The following GPHN variants were observed in gnomAD, a reference collection of about 807,000 sequenced individuals.
GPHN encodes the protein gephyrin.
In GPHN, 17 loss-of-function variants were observed where a neutral mutation model predicts 95.5. The ratio of observed to expected loss-of-function variants is 0.18; its 90% CI spans 0.12 to 0.27. GPHN has a LOEUF of 0.27. Ranked by LOEUF, GPHN falls within the 10% of genes least tolerant of loss-of-function variation. GPHN has a pLI of 1.00. For synonymous variants in GPHN, 320 were observed against 322.5 expected (o/e 0.99, Z 0.08); for missense variants, 660 against 978.1 (o/e 0.67, Z 4.34).
intron 1 of GPHN, among the ~76,000 whole-genome samples, chr14:66,538,633 C>T (rs1331952094): frequency 6.6e-6 from 1 of 151,788 alleles, no homozygotes; most frequent in Non-Finnish European, 1.5e-5. Flanking sequence ...TTGATTATCT[C>T]CATCCTTTTA....
At chr14:67,611,428 G>GTT in the GPHN span, among the ~76,000 whole-genome samples, 1 of 138,820 alleles carries the variant, frequency 7.2e-6, no homozygotes, top group Non-Finnish European at 1.5e-5. Context: ...TAATTTTTTG[G>GTT]TTTTTTTTTT....
intron 2 of GPHN, among the ~76,000 whole-genome samples, chr14:66,693,749 C>A (rs1347064607): frequency 6.6e-6 from 1 of 152,098 alleles, no homozygotes; most frequent in Admixed American, 6.5e-5. Flanking sequence ...TTTATCAGTA[C>A]TCTGTATAAT....
chr14:67,402,480 T>C, the GPHN span, among the ~76,000 whole-genome samples: 2 of 152,246 alleles, frequency 1.3e-5, no homozygotes. Flanking sequence ...TATTATTGAC[T>C]ATAGTCACCC....
intron 2 of GPHN, among the ~76,000 whole-genome samples, chr14:66,718,375 G>A (rs184633084): frequency 3.3e-5 from 5 of 152,166 alleles, no homozygotes; most frequent in African/African-American, 4.8e-5. Flanking sequence ...CGATGGGTTC[G>A]TGGTCTCGCT....
the GPHN span, chr14:67,541,766 T>A: frequency 8.9e-7 from 1 of 1,123,282 alleles, no homozygotes; most frequent in East Asian, 2.8e-5. Flanking sequence ...CCCCTCCCGT[T>A]CTTTCCCCAC....
the GPHN span, among the ~76,000 whole-genome samples, chr14:67,557,102 C>G: frequency 1.3e-5 from 2 of 152,188 alleles, no homozygotes; most frequent in African/African-American, 2.4e-5. Flanking sequence ...CCTTCTTTTG[C>G]TCAGATTGGA....
At chr14:66,966,411 A>G (rs2069330494) in intron 9 of GPHN, among the ~76,000 whole-genome samples, 1 of 152,062 alleles carries the variant, frequency 6.6e-6, no homozygotes, top group African/African-American at 2.4e-5. Flanking sequence ...AACTGATATT[A>G]ATTTTATCAT....
chr14:67,569,164 A>T, the GPHN span: 1 of 1,613,166 alleles, frequency 6.2e-7, no homozygotes, highest in Non-Finnish European at 8.5e-7. Context: ...CTGTGGCCAC[A>T]TCGGGCATGC....
chr14:66,618,020 G>A (rs1252959084), intron 1 of GPHN, among the ~76,000 whole-genome samples: 1 of 152,084 alleles, frequency 6.6e-6, no homozygotes, highest in Non-Finnish European at 1.5e-5. Flanking sequence ...CTGTTTTCTG[G>A]AAGAGTTTCT....
the GPHN span, among the ~76,000 whole-genome samples, chr14:67,207,306 G>A: frequency 3.3e-5 from 5 of 151,970 alleles, no homozygotes; most frequent in Non-Finnish European, 5.9e-5. Context: ...GAAGAGAAGG[G>A]GAGCCAGCAC....
At chr14:67,390,369 C>T in the GPHN span, among the ~76,000 whole-genome samples, 2 of 152,150 alleles carry the variant, frequency 1.3e-5, no homozygotes, top group African/African-American at 2.4e-5. Flanking sequence ...CCTCCCTACT[C>T]ACAAAGCAGG....
chr14:67,142,989 A>G, intron 17 of GPHN: 1 of 310,328 alleles, frequency 3.2e-6, no homozygotes, highest in Non-Finnish European at 6.2e-6. Flanking sequence ...TCAGGTAACC[A>G]ATTGTCCAGG....
At chr14:67,329,385 G>C in the GPHN span, among the ~76,000 whole-genome samples, 1 of 152,140 alleles carries the variant, frequency 6.6e-6, no homozygotes, top group Non-Finnish European at 1.5e-5. Flanking sequence ...GGGCTGAGAC[G>C]ATGGAGTTTT....
the GPHN span, among the ~76,000 whole-genome samples, chr14:67,274,939 A>G: frequency 6.6e-6 from 1 of 152,190 alleles, no homozygotes; most frequent in Non-Finnish European, 1.5e-5. Context: ...TTATTGGTGT[A>G]TAAGAATGCT....
At chr14:66,941,363 G>A (rs1031285871) in intron 8 of GPHN, among the ~76,000 whole-genome samples, 21 of 152,022 alleles carry the variant, frequency 1.4e-4, no homozygotes, top group African/African-American at 4.8e-4. Context: ...TTTGTAAATA[G>A]GCCTTTTAGA....
At chr14:66,835,520 C>G (rs868020453) in intron 4 of GPHN, among the ~76,000 whole-genome samples, 6,656 of 151,464 alleles carry the variant, frequency 0.044, 188 homozygotes, top group Middle Eastern at 0.068. Flanking sequence ...GAAGCATTCC[C>G]TTTGAAAACT....
the GPHN span, chr14:67,620,900 AAAG>A: frequency 6.2e-7 from 1 of 1,614,192 alleles, no homozygotes; most frequent in Middle Eastern, 1.6e-4. Context: ...ACAGAAAAGA[AAAG>A]GAGTGGAGCA....
At chr14:67,336,528 G>T in the GPHN span, 1 of 327,304 alleles carries the variant, frequency 3.1e-6, no homozygotes, top group Non-Finnish European at 6.0e-6. Context: ...GCTTTACATT[G>T]AATTTACCTA....
chr14:66,705,320 C>G (rs2068972825), intron 2 of GPHN, among the ~76,000 whole-genome samples: 1 of 106,750 alleles, frequency 9.4e-6, no homozygotes, highest in Non-Finnish European at 1.7e-5. Context: ...TTCAGTGAAG[C>G]CAGCATCATC....
Sources: allele counts gnomAD v4.1 joint callset (sites outside exome capture counted in the v4.1 genomes callset), GRCh38; gene constraint gnomAD v4.1.1; transcripts MANE v1.5; gene names NCBI Gene and HGNC (gene_info 2026-07-23, HGNC 2026-07-21).